Variants in TMEM132D observed in about 807,000 individuals in gnomAD.
TMEM132D encodes the protein mature OL transmembrane protein.
In TMEM132D, 21 loss-of-function variants were observed where a neutral mutation model predicts 62.3. The ratio of observed to expected loss-of-function variants is 0.34; its 90% CI spans 0.24 to 0.49. The LOEUF (loss-of-function observed/expected upper bound fraction) is 0.49, where lower values mean the gene tolerates loss of function less well. TMEM132D is among the 20% of genes least tolerant of loss of function. TMEM132D has a pLI of 0.99. For synonymous variants in TMEM132D, 621 were observed against 575.6 expected (o/e 1.08, Z -1.13); for missense variants, 1,346 against 1,402.8 (o/e 0.96, Z 0.65).
chr12:129,430,253 T>C (rs1872616634), intron 3 of TMEM132D, among the ~76,000 whole-genome samples: 1 of 152,204 alleles, frequency 6.6e-6, no homozygotes, highest in Non-Finnish European at 1.5e-5. Flanking sequence ...TGTCGTTTCC[T>C]GACTTTTTAA....
intron 1 of TMEM132D, among the ~76,000 whole-genome samples, chr12:129,886,967 TC>T (rs1250765209): frequency 6.6e-6 from 1 of 152,182 alleles, no homozygotes; most frequent in Non-Finnish European, 1.5e-5. Context: ...TCCTGAGGCC[TC>T]CCCAGCCATG....
intron 5 of TMEM132D, among the ~76,000 whole-genome samples, chr12:129,171,168 C>T (rs1193650017): frequency 2.0e-5 from 3 of 152,234 alleles, no homozygotes; most frequent in Non-Finnish European, 4.4e-5. Flanking sequence ...ATTTCAACGA[C>T]GTTCACAGTA....
intron 1 of TMEM132D, among the ~76,000 whole-genome samples, chr12:129,847,632 T>G (rs758861564): frequency 7.9e-5 from 12 of 152,130 alleles, no homozygotes; most frequent in Non-Finnish European, 1.6e-4. Context: ...TACAGATACC[T>G]GACACTCCTC....
In TMEM132D at chr12:129,081,985, C is replaced by T. The variant is rs773830615; in HGVS notation, c.1697G>A (p.Arg566His). The T allele has an allele frequency of 1.2e-5, 19 of 1,612,882 alleles. No individual in the cohort carries two copies. Among genetic ancestry groups the T allele is most frequent in the African/African-American group, 8.0e-5 (6 of 74,916 alleles). ...EEEEDDERRG[R>H]GCTLQYQHAM... ...GTGCTGGTACTGCAGGGTGCAGCCGCGGCCCCTCCGCTCATCATCCTCCTC... is the reference window on the plus strand; with the variant it reads ...GTGCTGGTACTGCAGGGTGCAGCCGTGGCCCCTCCGCTCATCATCCTCCTC... The change falls in exon 7 of 9, where the codon CGC becomes CAC. Residue 566 changes from arginine to histidine, a missense_variant. Coordinates refer to ENST00000422113, the MANE Select transcript of TMEM132D (RefSeq NM_133448.3).
chr12:129,079,521 TAA>T (rs1874386041), intron 7 of TMEM132D, among the ~76,000 whole-genome samples: 1 of 152,220 alleles, frequency 6.6e-6, no homozygotes, highest in Admixed American at 6.5e-5. Flanking sequence ...GCCCAAATGA[TAA>T]ACAGCTGTCT....
intron 2 of TMEM132D, among the ~76,000 whole-genome samples, chr12:129,549,182 T>TG (rs1451428114): frequency 1.3e-5 from 2 of 151,144 alleles, no homozygotes; most frequent in African/African-American, 4.9e-5. Flanking sequence ...CTCGTGGTAG[T>TG]GAATAAGTCT....
intron 3 of TMEM132D, among the ~76,000 whole-genome samples, chr12:129,491,511 C>G (rs772752391): frequency 6.6e-6 from 1 of 152,184 alleles, no homozygotes; most frequent in Non-Finnish European, 1.5e-5. Context: ...CAGCTTCCCC[C>G]GGTCCTCCCC....
chr12:129,531,004 A>AAAAAAAT, intron 3 of TMEM132D, 55 bp downstream of exon 3: 1 of 1,507,606 alleles, frequency 6.6e-7, no homozygotes, highest in Admixed American at 2.1e-5. Context: ...AAAAAAAAAA[A>AAAAAAAT]ATCAGGCCAC....
chr12:129,850,385 G>A (rs116722612), intron 1 of TMEM132D, among the ~76,000 whole-genome samples: 1,871 of 152,288 alleles, frequency 0.012, 40 homozygotes, highest in African/African-American at 0.042. Flanking sequence ...CGGAGGATGT[G>A]CACCAGGCAC....
intron 3 of TMEM132D, among the ~76,000 whole-genome samples, chr12:129,484,602 A>G (rs1874528135): frequency 6.6e-6 from 1 of 152,182 alleles, no homozygotes; most frequent in Non-Finnish European, 1.5e-5. Context: ...TTATCTCAAA[A>G]GATCTAACAT....
At chr12:129,187,342 C>T (rs1248809271) in intron 5 of TMEM132D, among the ~76,000 whole-genome samples, 1 of 152,138 alleles carries the variant, frequency 6.6e-6, no homozygotes, top group East Asian at 1.9e-4. Flanking sequence ...GCAAGCCTCT[C>T]CCTAACAAAT....
At chr12:129,504,127 A>G (rs947343801) in intron 3 of TMEM132D, among the ~76,000 whole-genome samples, 5 of 151,952 alleles carry the variant, frequency 3.3e-5, no homozygotes, top group Non-Finnish European at 7.4e-5. Flanking sequence ...CACTGCCAAC[A>G]CCATCACCAC....
intron 4 of TMEM132D, among the ~76,000 whole-genome samples, chr12:129,285,634 A>G (rs1383353187): frequency 6.6e-6 from 1 of 152,040 alleles, no homozygotes; most frequent in Non-Finnish European, 1.5e-5. Flanking sequence ...TGGGGAAAAA[A>G]TATACTAAAA....
intron 1 of TMEM132D, among the ~76,000 whole-genome samples, chr12:129,703,668 G>A (rs764329133): frequency 6.6e-5 from 10 of 151,932 alleles, no homozygotes; most frequent in Non-Finnish European, 1.0e-4. Flanking sequence ...CTAATAATTC[G>A]CTAAGGACAA....
intron 5 of TMEM132D, among the ~76,000 whole-genome samples, chr12:129,147,494 G>A (rs920589312): frequency 5.9e-5 from 9 of 151,926 alleles, no homozygotes; most frequent in Admixed American, 1.3e-4. Flanking sequence ...TATTAAATTC[G>A]GTGAACACTT....
rs139793038 is a variant in TMEM132D at position 129,399,743 on chromosome 12, C to T, written c.1116-61926G>A. 2.4e-3 allele frequency among the ~76,000 whole-genome samples: 370 copies of T among 151,670 alleles called. 2 individuals are homozygous for T. The highest frequency in any genetic ancestry group is 8.3e-3 in the African/African-American group (344 of 41,370). The stretch of plus-strand genomic sequence containing the variant: ...ATATGCAGTTCTACTAAGAATTACA[C>T]GAATTTTGAAAATAGAAAGCAAAGA... On this transcript the variant is annotated intron_variant, in intron 3 of 8. Coordinates refer to ENST00000422113, the MANE Select transcript of TMEM132D (RefSeq NM_133448.3).
chr12:129,197,929 C>A (rs1565994662), intron 5 of TMEM132D, among the ~76,000 whole-genome samples: 1 of 152,124 alleles, frequency 6.6e-6, no homozygotes, highest in Non-Finnish European at 1.5e-5. Context: ...GAAATTCAAA[C>A]AACTCAATAG....
chr12:129,593,049 A>C lies in TMEM132D; in HGVS notation c.969-61844T>G, dbSNP rs140826132. 7.6e-3 allele frequency among the ~76,000 whole-genome samples: 1,160 copies of C among 152,268 alleles called. 8 individuals are homozygous for C. Among genetic ancestry groups the C allele is most frequent in the African/African-American group, 0.027 (1,110 of 41,556 alleles). On this transcript the variant is annotated intron_variant, in intron 2 of 8. Transcript: ENST00000422113. ...ACATGGAGGTATGGAAGTTACAGAG[A>C]CCTATGAGGTTCAGGTTTTCTGAAT...
chr12:129,507,000 A>C (rs2137071266), intron 3 of TMEM132D, among the ~76,000 whole-genome samples: 1 of 152,322 alleles, frequency 6.6e-6, no homozygotes, highest in East Asian at 1.9e-4. Context: ...AAACTCAAAC[A>C]AATTAGCAAG....
Sources: gnomAD v4.1 joint callset for allele counts (sites outside exome capture counted in the v4.1 genomes callset) on GRCh38, gnomAD v4.1.1 for gene constraint, MANE v1.5 for transcripts, NCBI Gene and HGNC (gene_info 2026-07-23, HGNC 2026-07-21) for gene names.